Variants in LRRC4C observed in about 807,000 individuals in gnomAD.
LRRC4C encodes leucine rich repeat containing 4C.
In LRRC4C, 5 loss-of-function variants were observed where a neutral mutation model predicts 33.6. That is an observed-to-expected ratio of 0.15 (90% CI 0.08 to 0.31). The LOEUF (loss-of-function observed/expected upper bound fraction) is 0.31, where lower values mean the gene tolerates loss of function less well. LRRC4C is among the 10% of genes least tolerant of loss of function. LRRC4C has a pLI of 1.00. For synonymous variants in LRRC4C, 329 were observed against 302.0 expected, an observed-to-expected ratio of 1.09 and a Z score of -0.93; for missense variants, 560 against 796.7, an observed-to-expected ratio of 0.70 and a Z score of 3.58.
rs918634497 is a variant in LRRC4C, at chr11:40,438,137, G to A, written c.-269-118416C>T. Among the ~76,000 whole-genome samples the A allele has an allele frequency of 5.9e-5, 9 of 152,132 alleles. 1 individual carries two copies. The highest frequency in any genetic ancestry group is 5.2e-4 in the Admixed American group (8 of 15,274). On this transcript the variant is annotated intron_variant, in intron 3 of 6. Transcript: ENST00000528697. ...CAGCACACTGTGATCTCAATGCAGCGACCTACTGTTTTTCACCACTAGGCA... is the reference window on the plus strand; with the variant it reads ...CAGCACACTGTGATCTCAATGCAGCAACCTACTGTTTTTCACCACTAGGCA...
intron 1 of LRRC4C, among the ~76,000 whole-genome samples, chr11:41,264,495 A>G (rs1485024118): frequency 6.6e-6 from 1 of 152,132 alleles, no homozygotes; most frequent in Non-Finnish European, 1.5e-5. Context: ...ATGGCAATAA[A>G]TACCATTTTT....
At chr11:41,093,588 C>A (rs1590542223) in intron 1 of LRRC4C, among the ~76,000 whole-genome samples, 1 of 151,892 alleles carries the variant, frequency 6.6e-6, no homozygotes, top group South Asian at 2.1e-4. Context: ...AAACACTGGG[C>A]CCTTTGAACA....
intron 3 of LRRC4C, among the ~76,000 whole-genome samples, chr11:40,430,254 T>G (rs1048020499): frequency 1.5e-5 from 2 of 134,106 alleles, no homozygotes; most frequent in African/African-American, 5.5e-5. Flanking sequence ...GGAAGAAAAG[T>G]GCACGTATGG....
intron 2 of LRRC4C, among the ~76,000 whole-genome samples, chr11:40,877,115 T>C (rs4756621): frequency 0.035 from 4,781 of 137,942 alleles, 107 homozygotes; most frequent in Middle Eastern, 0.062. Flanking sequence ...TAAAACGTTG[T>C]TAAGTTCAGG....
intron 1 of LRRC4C, among the ~76,000 whole-genome samples, chr11:41,392,997 TTGTTA>T (rs1953664935): frequency 6.6e-6 from 1 of 151,890 alleles, no homozygotes; most frequent in Non-Finnish European, 1.5e-5. Context: ...ACCTGTTTTA[TTGTTA>T]TGCTTTCCTA....
At chr11:40,246,266 G>A (rs1866331124) in intron 4 of LRRC4C, among the ~76,000 whole-genome samples, 1 of 152,192 alleles carries the variant, frequency 6.6e-6, no homozygotes, top group South Asian at 2.1e-4. Context: ...AAGCCACCAT[G>A]CCCAGCCCTA....
Position 40,336,866 on chromosome 11 carries a change from A to G in LRRC4C, c.-269-17145T>C, listed in dbSNP as rs368993354. 6.0e-4 allele frequency among the ~76,000 whole-genome samples: 90 copies of G among 150,436 alleles called. 3 individuals carry two copies. The South Asian group carries it at 0.014, about 24-fold the overall frequency. ...GCGGGGGGCGCCTGTAGTCCCAGCT[A>G]CTCGGGAGGCTGAGGCAGGAGAATG... On this transcript the variant is annotated intron_variant, in intron 3 of 6. Coordinates refer to ENST00000528697, the MANE Select transcript of LRRC4C (RefSeq NM_001258419.2).
intron 1 of LRRC4C, among the ~76,000 whole-genome samples, chr11:41,280,307 A>T (rs1381059697): frequency 1.3e-5 from 2 of 152,152 alleles, no homozygotes; most frequent in African/African-American, 4.8e-5. Flanking sequence ...GTGGACCCTT[A>T]GCTGCAGACT....
At chr11:40,945,121 G>A (rs1283664833) in intron 1 of LRRC4C, among the ~76,000 whole-genome samples, 1 of 145,364 alleles carries the variant, frequency 6.9e-6, no homozygotes, top group Non-Finnish European at 1.5e-5. Flanking sequence ...TCTGCCTCCC[G>A]GGTTCACATG....
At chr11:40,549,812 C>T (rs184050905) in intron 3 of LRRC4C, among the ~76,000 whole-genome samples, 57 of 151,944 alleles carry the variant, frequency 3.8e-4, no homozygotes, top group East Asian at 5.8e-4. Flanking sequence ...TTGGATAAAG[C>T]ATTTAAATGG....
chr11:40,441,008 C>G (rs1206956154), intron 3 of LRRC4C, among the ~76,000 whole-genome samples: 1 of 152,058 alleles, frequency 6.6e-6, no homozygotes, highest in Non-Finnish European at 1.5e-5. Context: ...AACTATGCAT[C>G]AAAAGGAAGT....
intron 1 of LRRC4C, among the ~76,000 whole-genome samples, chr11:41,058,423 T>A (rs895259323): frequency 3.9e-5 from 6 of 152,232 alleles, no homozygotes. Context: ...CCCCTTACTG[T>A]TCCATGCCTG....
chr11:40,303,190 G>C (rs981551455), intron 4 of LRRC4C, among the ~76,000 whole-genome samples: 40 of 152,118 alleles, frequency 2.6e-4, no homozygotes, highest in African/African-American at 7.2e-4. Flanking sequence ...AAACTTGGAG[G>C]TTACGAGGAT....
intron 1 of LRRC4C, among the ~76,000 whole-genome samples, chr11:40,951,044 C>T (rs1002019464): frequency 3.3e-5 from 5 of 151,844 alleles, no homozygotes; most frequent in African/African-American, 1.2e-4. Context: ...ATATCCTTCC[C>T]ATAAGGTGAA....
chr11:40,272,933 T>C (rs1942816455), intron 4 of LRRC4C, among the ~76,000 whole-genome samples: 1 of 152,012 alleles, frequency 6.6e-6, no homozygotes, highest in Admixed American at 6.6e-5. Flanking sequence ...TGTGTCAATA[T>C]GATTAAGACT....
intron 5 of LRRC4C, among the ~76,000 whole-genome samples, chr11:40,160,058 GAC>G (rs1859026903): frequency 6.6e-6 from 1 of 152,146 alleles, no homozygotes; most frequent in Non-Finnish European, 1.5e-5. Flanking sequence ...AGGGAACCAA[GAC>G]ACAGTGGATA....
chr11:41,418,166 C>A (rs1025163942), intron 1 of LRRC4C, among the ~76,000 whole-genome samples: 1 of 151,862 alleles, frequency 6.6e-6, no homozygotes, highest in Non-Finnish European at 1.5e-5. Flanking sequence ...TAGACTTTTA[C>A]AAGAATTATC....
chr11:41,313,277 A>C lies in LRRC4C; in HGVS notation c.-496+146154T>G, dbSNP rs117718150. ...CTTCTCATGGCTGTATTGAACCAAC[A>C]ATGTCTAGCAAACAATAGTGTTTTC... On this transcript the variant is annotated intron_variant, in intron 1 of 6. Coordinates refer to ENST00000528697, the MANE Select transcript of LRRC4C (RefSeq NM_001258419.2). Among the ~76,000 whole-genome samples the C allele has an allele frequency of 4.1e-3, 625 of 152,324 alleles. 4 individuals are homozygous for C. The highest frequency in any genetic ancestry group is 0.032 in the South Asian group (153 of 4,828).
rs568704642 is a variant in LRRC4C, at chr11:41,304,922, G to A, written c.-496+154509C>T. Among the ~76,000 whole-genome samples, 3 of 124,522 alleles carry A rather than the reference G, an allele frequency of 2.4e-5. No homozygotes were observed. The South Asian group carries it at 7.8e-4, about 32-fold the overall frequency. 81.7% of individuals were successfully genotyped at this position (124,522 alleles called of 152,430 possible). A position where few individuals can be genotyped will look rare whatever the true frequency, so the allele number is the denominator to read the frequency against. Reference sequence around the variant, plus strand: ...CCCCATCCGGGAGGGAGGTGGGGGGGGGTCAGCCCACCTGCTGGGCCAGCC... The same window carrying A: ...CCCCATCCGGGAGGGAGGTGGGGGGAGGTCAGCCCACCTGCTGGGCCAGCC... On this transcript the variant is annotated intron_variant, in intron 1 of 6. Transcript: ENST00000528697.
Sources: allele counts gnomAD v4.1 joint callset (sites outside exome capture counted in the v4.1 genomes callset), GRCh38; gene constraint gnomAD v4.1.1; transcripts MANE v1.5; gene names NCBI Gene and HGNC (gene_info 2026-07-23, HGNC 2026-07-21).